Variants in ALDH1A1 observed in about 807,000 individuals in gnomAD.
ALDH1A1 encodes aldehyde dehydrogenase 1 family member A1, also known as aldehyde dehydrogenase 1A1.
In ALDH1A1, 19 loss-of-function variants were observed where a neutral mutation model predicts 62.1. That is an observed-to-expected ratio of 0.31 (90% CI 0.21 to 0.45). ALDH1A1 has a LOEUF of 0.45. Ranked by LOEUF, ALDH1A1 falls within the 20% of genes least tolerant of loss-of-function variation. The pLI, the probability that ALDH1A1 is intolerant of heterozygous loss-of-function variation, is 1.00. For synonymous variants in ALDH1A1, 231 were observed against 215.9 expected (o/e 1.07, Z -0.61); for missense variants, 521 against 607.1 (o/e 0.86, Z 1.49).
chr9:72,933,927 G>C (rs781376001), intron 2 of ALDH1A1, among the ~76,000 whole-genome samples: 17 of 152,074 alleles, frequency 1.1e-4, no homozygotes, highest in Non-Finnish European at 2.2e-4. Context: ...CTCTGGAGTA[G>C]CTGGGACTAC....
In ALDH1A1 at chr9:72,915,997, G is replaced by A. The variant is rs8187957; in HGVS notation, c.1035+923C>T. 3.3e-5 allele frequency among the ~76,000 whole-genome samples: 5 copies of A among 152,244 alleles called. No homozygotes were observed. The East Asian group carries it at 9.6e-4, about 29-fold the overall frequency. On this transcript the variant is annotated intron_variant, in intron 9 of 12. Coordinates refer to ENST00000297785, the MANE Select transcript of ALDH1A1 (RefSeq NM_000689.5). ...GCTTAATGTCTAGACTCCAGAGCAG[G>A]ATTTCTCGGCAGTTGTCCTGTTGGC...
At chr9:72,915,866 T>C (rs1330282) in intron 9 of ALDH1A1, among the ~76,000 whole-genome samples, 8,679 of 152,312 alleles carry the variant, frequency 0.057, 309 homozygotes, top group South Asian at 0.14. Context: ...TTTTAGTTAA[T>C]TGAATTTACT....
At chr9:72,945,456 C>T (rs142564823) in intron 1 of ALDH1A1, among the ~76,000 whole-genome samples, 123 of 151,928 alleles carry the variant, frequency 8.1e-4, no homozygotes, top group African/African-American at 2.8e-3. Context: ...ATTTTCCAAA[C>T]GAGAGGGAGG....
intron 9 of ALDH1A1, among the ~76,000 whole-genome samples, chr9:72,914,637 G>T (rs1830037310): frequency 6.6e-6 from 1 of 151,836 alleles, no homozygotes; most frequent in African/African-American, 2.4e-5. Flanking sequence ...CCAAGTTTAA[G>T]ACAATATATA....
intron 1 of ALDH1A1, among the ~76,000 whole-genome samples, chr9:72,940,764 T>A (rs571509623): frequency 4.0e-4 from 61 of 152,350 alleles, no homozygotes; most frequent in African/African-American, 1.4e-3. Context: ...ATTGTTTCAT[T>A]GGCTTTTTAA....
At chr9:72,946,990 C>T (rs1419661465) in intron 1 of ALDH1A1, among the ~76,000 whole-genome samples, 4 of 151,780 alleles carry the variant, frequency 2.6e-5, no homozygotes, top group Non-Finnish European at 4.4e-5. Flanking sequence ...GGTTAAAGTC[C>T]CTGTTACAAA....
chr9:72,942,073 A>T (rs1786364533), intron 1 of ALDH1A1, among the ~76,000 whole-genome samples: 1 of 152,188 alleles, frequency 6.6e-6, no homozygotes, highest in Admixed American at 6.6e-5. Context: ...TCATTGTATT[A>T]TCTTTTGGGA....
chr9:72,930,461 G>T (rs1452094532), intron 3 of ALDH1A1, among the ~76,000 whole-genome samples: 10 of 152,078 alleles, frequency 6.6e-5, no homozygotes, highest in Non-Finnish European at 1.5e-4. Context: ...TTATTTTAGA[G>T]AAATATTTTG....
chr9:72,937,066 T>C (rs1830355142), intron 2 of ALDH1A1, among the ~76,000 whole-genome samples: 1 of 152,164 alleles, frequency 6.6e-6, no homozygotes, highest in African/African-American at 2.4e-5. Context: ...AGGCTAAATT[T>C]TGAGAATGTC....
intron 8 of ALDH1A1, among the ~76,000 whole-genome samples, chr9:72,917,700 A>G (rs1431979870): frequency 6.6e-6 from 1 of 151,108 alleles, no homozygotes; most frequent in African/African-American, 2.5e-5. Context: ...ATTATTTCAT[A>G]TGTGCCTATA....
At chr9:72,916,771 T>C (rs983597333) in intron 9 of ALDH1A1, 149 bp downstream of exon 9, 10 of 520,596 alleles carry the variant, frequency 1.9e-5, no homozygotes, top group Non-Finnish European at 3.1e-5. Context: ...CACTGGGAGT[T>C]AGATTGCTTT....
chr9:72,938,782 G>T (rs1830377618), intron 2 of ALDH1A1, among the ~76,000 whole-genome samples: 1 of 149,318 alleles, frequency 6.7e-6, no homozygotes, highest in Admixed American at 6.7e-5. Context: ...CACTCTTGTT[G>T]CCCAGGCTGG....
Position 72,906,038 on chromosome 9 carries a change from GGAAAA to G in ALDH1A1, c.1359-11_1359-7del, listed in dbSNP as rs8187985. The G allele has an allele frequency of 7.1e-4, 1,142 of 1,607,974 alleles. 3 individuals carry two copies. The highest frequency in any genetic ancestry group is 1.0e-3 in the South Asian group (90 of 90,004). On this transcript the variant is annotated splice_region_variant and splice_polypyrimidine_tract_variant and intron_variant, in intron 11 of 12. Coordinates refer to ENST00000297785, the MANE Select transcript of ALDH1A1 (RefSeq NM_000689.5). ...CCACGCCATAGCAATTCACCCTGAA[GGAAAA>G]GAAAAGTGCATTATAGACAATACTT...
chr9:72,932,268 C>T (rs1443085343), intron 2 of ALDH1A1, among the ~76,000 whole-genome samples: 1 of 152,112 alleles, frequency 6.6e-6, no homozygotes, highest in African/African-American at 2.4e-5. Flanking sequence ...AGTAATGACC[C>T]TAGATTTTTT....
intron 1 of ALDH1A1, among the ~76,000 whole-genome samples, chr9:72,945,330 G>C (rs112364653): frequency 6.6e-6 from 1 of 151,620 alleles, no homozygotes; most frequent in African/African-American, 2.4e-5. Context: ...ATATTATCTC[G>C]GCAGGGCAGC....
At chr9:72,911,734 C>T (rs1829992559) in intron 10 of ALDH1A1, among the ~76,000 whole-genome samples, 1 of 152,152 alleles carries the variant, frequency 6.6e-6, no homozygotes, top group Non-Finnish European at 1.5e-5. Flanking sequence ...TGTTAAGCAT[C>T]CAGATCTGTG....
At chr9:72,907,242 T>G (rs924284296) in intron 11 of ALDH1A1, among the ~76,000 whole-genome samples, 3 of 152,226 alleles carry the variant, frequency 2.0e-5, no homozygotes, top group African/African-American at 4.8e-5. Context: ...CTTTGTTTAA[T>G]TGCCCTTTAA....
intron 1 of ALDH1A1, among the ~76,000 whole-genome samples, chr9:72,940,482 G>A (rs954917422): frequency 6.6e-6 from 1 of 152,092 alleles, no homozygotes; most frequent in Non-Finnish European, 1.5e-5. Flanking sequence ...TTCAACACTA[G>A]AAAATACATA....
intron 12 of ALDH1A1, among the ~76,000 whole-genome samples, chr9:72,904,806 G>A (rs1588128747): frequency 6.6e-6 from 1 of 152,124 alleles, no homozygotes; most frequent in South Asian, 2.1e-4. Context: ...TACCTCCATA[G>A]GATATGGAAT....
Sources: allele counts gnomAD v4.1 joint callset (sites outside exome capture counted in the v4.1 genomes callset), GRCh38; gene constraint gnomAD v4.1.1; transcripts MANE v1.5; gene names NCBI Gene and HGNC (gene_info 2026-07-23, HGNC 2026-07-21).